The following ADAD1 variants were observed in gnomAD, a reference collection of about 807,000 sequenced individuals.
The protein encoded by ADAD1 is adenosine deaminase domain containing 1.
A neutral mutation model predicts 66.8 loss-of-function variants in ADAD1; 46 were observed. The observed-to-expected ratio is 0.69, with a 90% CI of 0.54 to 0.88. The LOEUF (loss-of-function observed/expected upper bound fraction) is 0.88. Ranked by LOEUF, ADAD1 falls within the 40% of genes least tolerant of loss-of-function variation. The pLI is 0.00. For synonymous variants in ADAD1, 248 were observed against 229.4 expected, an observed-to-expected ratio of 1.08 and a Z score of -0.73; for missense variants, 617 against 681.8, an observed-to-expected ratio of 0.91 and a Z score of 1.06.
intron 7 of ADAD1, among the ~76,000 whole-genome samples, chr4:122,397,461 G>A (rs1233403592): frequency 2.0e-5 from 3 of 152,158 alleles, no homozygotes; most frequent in South Asian, 4.1e-4. Flanking sequence ...ACTTCATGGA[G>A]TTGTTAGGAT....
Position 122,411,360 on chromosome 4 carries a change from G to A in ADAD1, c.987G>A (p.Leu329=). 6.2e-7 allele frequency: 1 copy of A among 1,612,880 alleles called. No individual in the cohort carries two copies. The highest frequency in any genetic ancestry group is 1.7e-5 in the Admixed American group (1 of 59,836). ...ACATTTGCCTTTACATGAACCAGTT[G>A]CCTAAAGGATCAGCCCAGATTAAGT... ...NINICLYMNQ[L]PKGSAQIKSQ... is the part of the protein sequence containing the mutation. Residue 329 remains leucine, a synonymous_variant, in exon 9 of 13, where the codon TTG becomes TTA. Coordinates refer to ENST00000296513, the MANE Select transcript of ADAD1 (RefSeq NM_139243.4).
intron 3 of ADAD1, chr4:122,380,522 C>T: frequency 2.4e-6 from 1 of 420,186 alleles, no homozygotes; most frequent in Non-Finnish European, 4.2e-6. Flanking sequence ...AGATACTGGA[C>T]TTACACTGGT....
chr4:122,412,553 G>C, intron 9 of ADAD1, 27 bp from the exon 10 acceptor site: 1 of 1,599,810 alleles, frequency 6.3e-7, no homozygotes, highest in Non-Finnish European at 8.5e-7. Context: ...GTTTTTTAAA[G>C]GAAGAAACTT....
chr4:122,428,758 C>G (rs1320275279), intron 12 of ADAD1, among the ~76,000 whole-genome samples: 3 of 152,070 alleles, frequency 2.0e-5, no homozygotes, highest in African/African-American at 7.2e-5. Flanking sequence ...GTACTGGCAC[C>G]AGGACTGCAG....
intron 12 of ADAD1, among the ~76,000 whole-genome samples, chr4:122,425,995 AAATGTAATGAATCAGAATAG>A (rs1259767650): frequency 1.3e-5 from 2 of 152,092 alleles, no homozygotes; most frequent in Non-Finnish European, 2.9e-5. Context: ...GGAAATAATG[AAATGTAATGAATCAGAATAG>A]AAATCAGTGA....
At chr4:122,404,982 G>T (rs763584918) in intron 7 of ADAD1, among the ~76,000 whole-genome samples, 5 of 152,116 alleles carry the variant, frequency 3.3e-5, no homozygotes, top group African/African-American at 4.8e-5. Flanking sequence ...GTATCTCCCT[G>T]AAGCATTGCA....
intron 2 of ADAD1, among the ~76,000 whole-genome samples, 180 bp from the exon 3 acceptor site, chr4:122,379,882 C>T (rs562572457): frequency 2.6e-5 from 4 of 151,736 alleles, no homozygotes; most frequent in African/African-American, 7.3e-5. Flanking sequence ...AGAAGAGGTC[C>T]GTGTCTATGA....
At chr4:122,425,264 A>C (rs1288434998) in intron 12 of ADAD1, among the ~76,000 whole-genome samples, 1 of 152,130 alleles carries the variant, frequency 6.6e-6, no homozygotes, top group African/African-American at 2.4e-5. Context: ...TCAAGCCCAC[A>C]TGGAGCATTC....
At chr4:122,428,845 G>A (rs1487731266) in intron 12 of ADAD1, among the ~76,000 whole-genome samples, 1 of 152,008 alleles carries the variant, frequency 6.6e-6, no homozygotes, top group Admixed American at 6.6e-5. Context: ...ATGCCTCTAT[G>A]AATTCATTAA....
In ADAD1 at chr4:122,415,464, G is replaced by A. The variant is rs572156628; in HGVS notation, c.1335G>A (p.Met445Ile). 29 of 1,613,862 alleles carry A rather than the reference G, an allele frequency of 1.8e-5. No individual in the cohort carries two copies. The South Asian group carries it at 3.2e-4, about 18-fold the overall frequency. The change falls in exon 11 of 13, where the codon ATG (methionine) becomes ATA (isoleucine). Residue 445 changes from methionine to isoleucine, a missense_variant. Physicochemically the swap from Met to Ile is conservative, Grantham distance 10. Transcript: ENST00000296513. ...VDDALTSKLPMFYLVNRPHIS... is the reference protein window; with the variant it reads ...VDDALTSKLPIFYLVNRPHIS... ...ATGCACTCACTTCAAAACTTCCAAT[G>A]TTTTACTTAGTCAACAGACCTCATA...
chr4:122,397,442 G>C (rs56387607), intron 7 of ADAD1, among the ~76,000 whole-genome samples: 1 of 151,896 alleles, frequency 6.6e-6, no homozygotes, highest in Non-Finnish European at 1.5e-5. Context: ...TAGAAACAGT[G>C]ACAACCCAAC....
chr4:122,380,974 T>C lies in ADAD1; in HGVS notation c.173-18T>C, dbSNP rs1222536728. The C allele has an allele frequency of 1.3e-6, 2 of 1,573,820 alleles. No individual in the cohort carries two copies. Among genetic ancestry groups the C allele is most frequent in the Non-Finnish European group, 8.6e-7 (1 of 1,168,990 alleles). On this transcript the variant is annotated intron_variant, in intron 3 of 12. Coordinates refer to ENST00000296513, the MANE Select transcript of ADAD1 (RefSeq NM_139243.4). Reference sequence around the variant, plus strand: ...GTTTGTTTTAAACCAAATTGACAAGTATAACATTTGTTTTTAGGTAATTTT... The same window carrying C: ...GTTTGTTTTAAACCAAATTGACAAGCATAACATTTGTTTTTAGGTAATTTT...
At chr4:122,399,464 A>G (rs931265841) in intron 7 of ADAD1, among the ~76,000 whole-genome samples, 3 of 152,096 alleles carry the variant, frequency 2.0e-5, no homozygotes, top group Non-Finnish European at 2.9e-5. Context: ...TACTTAGACT[A>G]TGCAGGTTGT....
Position 122,381,109 on chromosome 4 carries a change from C to A in ADAD1, c.290C>A (p.Pro97His), listed in dbSNP as rs1794877127. The A allele has an allele frequency of 6.2e-7, 1 of 1,604,940 alleles. No individual in the cohort carries two copies. The highest frequency in any genetic ancestry group is 2.2e-5 in the East Asian group (1 of 44,574). ...AAATACAAACGTGGAGAGATAAATC[C>A]TGTGTCAGCCTTGCACCAGTTTGCA... ...IMKYKRGEIN[P>H]VSALHQFAQM... Residue 97 changes from proline to histidine, a missense_variant, in exon 4 of 13, where the codon CCT becomes CAT. By Grantham distance (77) the Pro-to-His change is moderately conservative. Transcript: ENST00000296513.
intron 12 of ADAD1, among the ~76,000 whole-genome samples, chr4:122,428,538 C>T (rs1026586068): frequency 3.9e-5 from 6 of 152,088 alleles, no homozygotes; most frequent in African/African-American, 1.2e-4. Context: ...ATGTGTTATA[C>T]CCCTACAATG....
At chr4:122,407,319 C>CA (rs1210857387) in intron 7 of ADAD1, among the ~76,000 whole-genome samples, 1 of 152,076 alleles carries the variant, frequency 6.6e-6, no homozygotes, top group South Asian at 2.1e-4. Flanking sequence ...AAAAGACTGC[C>CA]AATTTGAATT....
chr4:122,388,959 G>A (rs555260853), intron 5 of ADAD1, among the ~76,000 whole-genome samples: 6 of 152,018 alleles, frequency 3.9e-5, no homozygotes, highest in East Asian at 1.9e-4. Context: ...ATTGATGTTC[G>A]GGTATCAATA....
At chr4:122,404,812 TTCCTG>T (rs369521729) in intron 7 of ADAD1, among the ~76,000 whole-genome samples, 35 of 152,262 alleles carry the variant, frequency 2.3e-4, no homozygotes, top group African/African-American at 7.0e-4. Context: ...TCTATATACT[TTCCTG>T]CACTTGTACC....
At chr4:122,397,252 T>G (rs1351551127) in intron 7 of ADAD1, among the ~76,000 whole-genome samples, 1 of 152,182 alleles carries the variant, frequency 6.6e-6, no homozygotes, top group African/African-American at 2.4e-5. Context: ...TAAAAACAGG[T>G]CAAAAGTTAA....
Sources: allele counts gnomAD v4.1 joint callset (sites outside exome capture counted in the v4.1 genomes callset), GRCh38; gene constraint gnomAD v4.1.1; transcripts MANE v1.5; gene names NCBI Gene and HGNC (gene_info 2026-07-23, HGNC 2026-07-21).